Variants in GRM1 observed in about 807,000 individuals in gnomAD.
The protein encoded by GRM1 is metabotropic glutamate receptor 1.
In GRM1, 33 loss-of-function variants were observed where a neutral mutation model predicts 90.9. That is an observed-to-expected ratio of 0.36 (90% CI 0.28 to 0.49). The LOEUF (loss-of-function observed/expected upper bound fraction) is 0.49, where lower values mean the gene tolerates loss of function less well. Ranked by LOEUF, GRM1 falls within the 20% of genes least tolerant of loss-of-function variation. GRM1 has a pLI of 0.99. For missense variants in GRM1, 1,190 were observed against 1,534.3 expected (o/e 0.78, Z 3.75); for synonymous variants, 700 against 613.2 (o/e 1.14, Z -2.09).
intron 1 of GRM1, among the ~76,000 whole-genome samples, chr6:146,106,579 T>A (rs995599454): frequency 6.6e-6 from 1 of 152,188 alleles, no homozygotes; most frequent in Non-Finnish European, 1.5e-5. Context: ...CACATCAGGA[T>A]TTTTTTGTAA....
At chr6:146,066,547 T>G (rs1314408217) in intron 1 of GRM1, among the ~76,000 whole-genome samples, 1 of 152,150 alleles carries the variant, frequency 6.6e-6, no homozygotes, top group Non-Finnish European at 1.5e-5. Flanking sequence ...GGTCGAACAG[T>G]TTATTTTCTT....
chr6:146,252,068 A>G lies in GRM1; in HGVS notation c.951-52543A>G, dbSNP rs375920857. ...TTTTTCCTTCTAAGAAGTTATCACTATCTAACATTTTATATATTTTACTTA... is the reference window on the plus strand; with the variant it reads ...TTTTTCCTTCTAAGAAGTTATCACTGTCTAACATTTTATATATTTTACTTA... On this transcript the variant is annotated intron_variant, in intron 2 of 7. Transcript: ENST00000282753. Among the ~76,000 whole-genome samples, 7 of 152,196 alleles carry G rather than the reference A, an allele frequency of 4.6e-5. 1 individual carries two copies. Among genetic ancestry groups the G allele is most frequent in the African/African-American group, 1.7e-4 (7 of 41,536 alleles).
intron 2 of GRM1, among the ~76,000 whole-genome samples, chr6:146,267,084 T>A (rs1488514629): frequency 6.6e-6 from 1 of 152,132 alleles, no homozygotes; most frequent in East Asian, 1.9e-4. Flanking sequence ...ATTCCCCCCA[T>A]GTGTCCATGT....
At chr6:146,286,171 TA>T (rs1019439670) in intron 2 of GRM1, among the ~76,000 whole-genome samples, 1 of 152,108 alleles carries the variant, frequency 6.6e-6, no homozygotes, top group Non-Finnish European at 1.5e-5. Flanking sequence ...CTTTAAACAC[TA>T]AAAATTTATA....
At chr6:146,330,955 T>C (rs900422420) in intron 3 of GRM1, among the ~76,000 whole-genome samples, 6 of 152,210 alleles carry the variant, frequency 3.9e-5, no homozygotes, top group Non-Finnish European at 7.4e-5. Flanking sequence ...GAACTAATCA[T>C]ATATAACAGC....
intron 1 of GRM1, among the ~76,000 whole-genome samples, chr6:146,157,473 G>A (rs1298729359): frequency 2.6e-5 from 4 of 152,106 alleles, no homozygotes; most frequent in Admixed American, 1.3e-4. Context: ...ATATCAATTA[G>A]AAGTCAACTA....
Position 146,304,680 on chromosome 6 carries a change from A to G in GRM1, c.1020A>G (p.Ile340Met). 1.9e-6 allele frequency: 3 copies of G among 1,614,000 alleles called. No individual in the cohort carries two copies. The highest frequency in any genetic ancestry group is 2.5e-6 in the Non-Finnish European group (3 of 1,179,950). ...TGGAAGCCAACGGGGGAATCACGAT[A>G]AAGCTGCAGTCTCCAGAGGTCAGGT... The part of the protein sequence containing the change: ...YEVEANGGIT[I>M]KLQSPEVRSF... The change falls in exon 3 of 8, where the codon ATA becomes ATG. Residue 340 changes from isoleucine (I) to methionine (M), a missense_variant. Ile to Met is a conservative substitution (Grantham distance 10). This residue lies in a region of GRM1 where 414 missense variants were observed against 598.4 expected (regional missense o/e 0.69). Transcript: ENST00000282753.
intron 1 of GRM1, among the ~76,000 whole-genome samples, chr6:146,051,495 G>A (rs978250835): frequency 2.6e-5 from 4 of 152,078 alleles, no homozygotes; most frequent in African/African-American, 9.7e-5. Flanking sequence ...AGCCTCTTAG[G>A]CATCTAACTG....
chr6:146,350,653 A>G (rs1785373400), intron 3 of GRM1, among the ~76,000 whole-genome samples: 1 of 152,184 alleles, frequency 6.6e-6, no homozygotes, highest in Non-Finnish European at 1.5e-5. Flanking sequence ...AGTAAGGGCC[A>G]TGGGTTCTGA....
chr6:146,042,156 A>G (rs1791135542), intron 1 of GRM1, among the ~76,000 whole-genome samples: 1 of 152,012 alleles, frequency 6.6e-6, no homozygotes, highest in South Asian at 2.1e-4. Flanking sequence ...ATACCACCAC[A>G]ATGGGGATTA....
intron 2 of GRM1, among the ~76,000 whole-genome samples, chr6:146,196,969 T>G (rs1254909125): frequency 2.0e-5 from 3 of 152,160 alleles, no homozygotes; most frequent in Non-Finnish European, 1.5e-5. Context: ...CTTGAGAAGA[T>G]TGCAGTTGGG....
intron 7 of GRM1, among the ~76,000 whole-genome samples, chr6:146,401,075 T>C (rs1583446990): frequency 6.6e-6 from 1 of 152,222 alleles, no homozygotes. Flanking sequence ...AATTTCTTGG[T>C]TTTTGTATCT....
chr6:146,365,897 G>A (rs563903465), intron 5 of GRM1, among the ~76,000 whole-genome samples: 1 of 152,168 alleles, frequency 6.6e-6, no homozygotes, highest in African/African-American at 2.4e-5. Context: ...TGAAAGCTGG[G>A]TGAGGACTTG....
intron 1 of GRM1, among the ~76,000 whole-genome samples, chr6:146,108,302 T>C (rs752509894): frequency 6.6e-5 from 10 of 152,142 alleles, no homozygotes; most frequent in Non-Finnish European, 1.2e-4. Context: ...GAATTGTAAC[T>C]CCCACAATTC....
chr6:146,360,286 T>A (rs1775418257), intron 5 of GRM1, among the ~76,000 whole-genome samples: 1 of 152,146 alleles, frequency 6.6e-6, no homozygotes, highest in Non-Finnish European at 1.5e-5. Flanking sequence ...TAGTCAAAAA[T>A]CCAGTTTTCT....
chr6:146,099,362 C>T (rs9485044), intron 1 of GRM1, among the ~76,000 whole-genome samples: 3,808 of 152,218 alleles, frequency 0.025, 129 homozygotes, highest in African/African-American at 0.083. Context: ...GGGAACAGAG[C>T]GAGACCCTGT....
intron 1 of GRM1, among the ~76,000 whole-genome samples, chr6:146,131,811 G>A (rs1286698506): frequency 6.6e-6 from 1 of 152,100 alleles, no homozygotes; most frequent in Non-Finnish European, 1.5e-5. Context: ...ACACATCCAT[G>A]GTTATATATT....
intron 2 of GRM1, among the ~76,000 whole-genome samples, chr6:146,194,082 G>A (rs1562521451): frequency 6.6e-6 from 1 of 151,808 alleles, no homozygotes; most frequent in South Asian, 2.1e-4. Flanking sequence ...TTATTCTAAT[G>A]GGAATTCTGT....
intron 2 of GRM1, among the ~76,000 whole-genome samples, chr6:146,270,904 TCTTTCTTTCTTCCTTCCTTCCTTCCTTC>T (rs1315193833): frequency 3.5e-5 from 4 of 113,902 alleles, no homozygotes; most frequent in Admixed American, 8.7e-5. Context: ...TTTCTTTCTT[TCTTTCTTTCTTCCTTCCTTCCTTCCTTC>T]CTTCCTTCCT....
Sources: allele counts gnomAD v4.1 joint callset (sites outside exome capture counted in the v4.1 genomes callset), GRCh38; gene constraint gnomAD v4.1.1; regional missense constraint gnomAD v4.1.1; transcripts MANE v1.5; gene names NCBI Gene and HGNC (gene_info 2026-07-23, HGNC 2026-07-21).